The following SPATA13 variants were observed in gnomAD, a reference collection of about 807,000 sequenced individuals.
The protein encoded by SPATA13 is spermatogenesis associated 13.
A neutral mutation model predicts 104.0 loss-of-function variants in SPATA13; 50 were observed. The ratio of observed to expected loss-of-function variants is 0.48; its 90% confidence interval spans 0.38 to 0.61. The LOEUF is 0.61. SPATA13 is among the 20% of genes least tolerant of loss of function. The pLI is 0.00. For missense variants in SPATA13, 1,524 were observed against 1,690.6 expected (o/e 0.90, Z 1.73); for synonymous variants, 606 against 667.5 (o/e 0.91, Z 1.42).
At chr13:24,128,255 C>T (rs550509475) in intron 3 of SPATA13, among the ~76,000 whole-genome samples, 2 of 152,166 alleles carry the variant, frequency 1.3e-5, no homozygotes, top group South Asian at 2.1e-4. Context: ...TCCTTGTGCC[C>T]GGAGGGGTGA....
chr13:24,048,148 C>T (rs1878214617), intron 3 of SPATA13, among the ~76,000 whole-genome samples: 1 of 152,192 alleles, frequency 6.6e-6, no homozygotes, highest in Non-Finnish European at 1.5e-5. Context: ...ACCCTCAACA[C>T]ACCCCAGAAA....
At chr13:24,099,856 C>T (rs1006003729) in intron 3 of SPATA13, among the ~76,000 whole-genome samples, 7 of 152,186 alleles carry the variant, frequency 4.6e-5, no homozygotes, top group South Asian at 2.1e-4. Context: ...AAATTTTAAA[C>T]TGTCAAGACT....
At chr13:24,178,329 GA>G (rs1199250462) in intron 1 of SPATA13, among the ~76,000 whole-genome samples, 3 of 152,148 alleles carry the variant, frequency 2.0e-5, no homozygotes, top group African/African-American at 7.2e-5. Context: ...GAAATGTATT[GA>G]ACTGCATTAT....
intron 3 of SPATA13, among the ~76,000 whole-genome samples, chr13:24,065,947 G>A (rs563097439): frequency 6.6e-6 from 1 of 152,342 alleles, no homozygotes; most frequent in Admixed American, 6.5e-5. Flanking sequence ...GCTACATGTT[G>A]TCACAGGGAA....
intron 3 of SPATA13, among the ~76,000 whole-genome samples, chr13:24,050,193 TG>T (rs146729691): frequency 6.6e-6 from 1 of 152,292 alleles, no homozygotes; most frequent in Non-Finnish European, 1.5e-5. Context: ...CTGAACCATC[TG>T]GGGAAGTCAC....
At chr13:24,100,139 GT>G (rs1257361717) in intron 3 of SPATA13, among the ~76,000 whole-genome samples, 9 of 95,084 alleles carry the variant, frequency 9.5e-5, no homozygotes, top group South Asian at 8.5e-4. Context: ...TTTTTAAATA[GT>G]TTAAAAAAAA....
chr13:24,260,052 A>C (rs1490979735), intron 4 of SPATA13, among the ~76,000 whole-genome samples: 1 of 152,230 alleles, frequency 6.6e-6, no homozygotes, highest in African/African-American at 2.4e-5. Context: ...GAGGCTGGGC[A>C]GTTCTGAGGA....
At chr13:24,105,483 A>G (rs909331256) in intron 3 of SPATA13, among the ~76,000 whole-genome samples, 1 of 149,722 alleles carries the variant, frequency 6.7e-6, no homozygotes, top group Non-Finnish European at 1.5e-5. Context: ...TCTCAGTGGC[A>G]GGAGTCATTC....
intron 3 of SPATA13, among the ~76,000 whole-genome samples, chr13:24,147,205 G>A (rs1414502651): frequency 2.0e-5 from 3 of 152,134 alleles, no homozygotes; most frequent in Non-Finnish European, 2.9e-5. Context: ...TGGCCTGGTG[G>A]TATGTGTGAT....
chr13:24,096,837 G>A (rs941583403), intron 3 of SPATA13, among the ~76,000 whole-genome samples: 11 of 152,320 alleles, frequency 7.2e-5, no homozygotes, highest in African/African-American at 2.6e-4. Context: ...GAATCATGCA[G>A]GCCAGATCAT....
chr13:24,291,794 G>A (rs1241340475), intron 9 of SPATA13, among the ~76,000 whole-genome samples: 2 of 132,078 alleles, frequency 1.5e-5, no homozygotes, highest in Non-Finnish European at 3.4e-5. Context: ...CTGTCGCCCA[G>A]GCCGGACTGC....
At chr13:24,176,515 A>G (rs886813053) in intron 1 of SPATA13, among the ~76,000 whole-genome samples, 32 of 152,104 alleles carry the variant, frequency 2.1e-4, no homozygotes, top group Non-Finnish European at 1.2e-4. Flanking sequence ...AGATCACAAA[A>G]ACATGTTATT....
chr13:24,081,011 G>A (rs1347408659), intron 3 of SPATA13, among the ~76,000 whole-genome samples: 2 of 152,144 alleles, frequency 1.3e-5, no homozygotes, highest in African/African-American at 2.4e-5. Context: ...GTAAGGAAAG[G>A]AGGAAAATAC....
At chr13:24,001,034 C>T (rs902260857) in intron 2 of SPATA13, among the ~76,000 whole-genome samples, 3 of 152,074 alleles carry the variant, frequency 2.0e-5, no homozygotes, top group Non-Finnish European at 2.9e-5. Flanking sequence ...CTGTGTTTCC[C>T]CCTTGTTCAC....
At chr13:24,159,139 TTA>T (rs1330349116), upstream of SPATA13, among the ~76,000 whole-genome samples, 2 of 152,214 alleles carry the variant, frequency 1.3e-5, no homozygotes, top group Non-Finnish European at 2.9e-5. Context: ...ATATTTTTTT[TTA>T]AATAATACTA....
At chr13:24,099,382 TA>T (rs1566102643) in intron 3 of SPATA13, among the ~76,000 whole-genome samples, 1 of 152,220 alleles carries the variant, frequency 6.6e-6, no homozygotes, top group African/African-American at 2.4e-5. Context: ...ACTGGCCACC[TA>T]AAGTTTAAGT....
At chr13:24,270,802 GC>G (rs1368904761) in intron 4 of SPATA13, 3 of 1,611,866 alleles carry the variant, frequency 1.9e-6, no homozygotes, top group Non-Finnish European at 2.5e-6. Flanking sequence ...TTGGGGACCG[GC>G]TCCTCGGTCA....
chr13:24,220,381 C>G (rs772086299), intron 1 of SPATA13, among the ~76,000 whole-genome samples: 1 of 151,602 alleles, frequency 6.6e-6, no homozygotes. Context: ...GTATTCAGTG[C>G]GAGTCATAAG....
chr13:24,150,568 A>G (rs1020326109), intron 3 of SPATA13, among the ~76,000 whole-genome samples: 6 of 152,220 alleles, frequency 3.9e-5, no homozygotes, highest in South Asian at 4.2e-4. Flanking sequence ...TTTTTAAGGA[A>G]TTGCACACAA....
Sources: gnomAD v4.1 joint callset for allele counts (sites outside exome capture counted in the v4.1 genomes callset) on GRCh38, gnomAD v4.1.1 for gene constraint, MANE v1.5 for transcripts, NCBI Gene and HGNC (gene_info 2026-07-23, HGNC 2026-07-21) for gene names.